The following ACOX1 variants were observed in gnomAD, a reference collection of about 807,000 sequenced individuals.
ACOX1 encodes the protein peroxisomal acyl-coenzyme A oxidase 1.
In ACOX1, 41 loss-of-function variants were observed where a neutral mutation model predicts 75.5. The observed-to-expected ratio is 0.54, with a 90% CI of 0.42 to 0.70. The LOEUF (loss-of-function observed/expected upper bound fraction) is 0.70. Ranked by LOEUF, ACOX1 falls within the 30% of genes least tolerant of loss-of-function variation. The pLI is 0.00. For missense variants in ACOX1, 630 were observed against 837.5 expected (o/e 0.75, Z 3.06); for synonymous variants, 303 against 298.8 (o/e 1.01, Z -0.15).
At chr17:75,967,646 G>GTATATATATACATACATATATATACA (rs2065946210) in intron 2 of ACOX1, among the ~76,000 whole-genome samples, 1 of 79,262 alleles carries the variant, frequency 1.3e-5, no homozygotes, top group Non-Finnish European at 2.2e-5. Context: ...ATATATATAC[G>GTATATATATACATACATATATATACA]TATATATATA....
intron 2 of ACOX1, among the ~76,000 whole-genome samples, chr17:75,968,435 C>G (rs1208964249): frequency 9.2e-3 from 189 of 20,542 alleles, no homozygotes; most frequent in African/African-American, 0.012. Context: ...GACTCCGTCT[C>G]AAAAAAAAAA....
At position 75,953,582 on chromosome 17, in the gene ACOX1, G is replaced by A. The variant is rs1398200214; in HGVS notation, c.813C>T (p.Asn271=). 1 of 1,614,184 alleles carries A rather than the reference G, an allele frequency of 6.2e-7. No individual in the cohort carries two copies. The highest frequency in any genetic ancestry group is 1.3e-5 in the African/African-American group (1 of 75,060). Residue 271 remains asparagine (N), a synonymous_variant, in exon 7 of 14, where the codon AAC becomes AAT. Transcript: ENST00000293217. ...PDGTYVKPLS[N]KLTYGTMVFV... is the part of the protein sequence containing the mutation. ...ACACCATGGTCCCGTAAGTCAGCTTGTTACTCAGCGGTTTCACGTATGTGC... is the reference window on the plus strand; with the variant it reads ...ACACCATGGTCCCGTAAGTCAGCTTATTACTCAGCGGTTTCACGTATGTGC...
chr17:75,966,594 G>C (rs1448791993), intron 2 of ACOX1, among the ~76,000 whole-genome samples: 1 of 152,172 alleles, frequency 6.6e-6, no homozygotes, highest in African/African-American at 2.4e-5. Flanking sequence ...ACGAGGTCAG[G>C]AGTTTGAGAC....
At chr17:75,949,675 C>T (rs1439308234) in intron 10 of ACOX1, 43 bp downstream of exon 10, 1 of 1,613,906 alleles carries the variant, frequency 6.2e-7, no homozygotes, top group Non-Finnish European at 8.5e-7. Context: ...GTCAGGGCCC[C>T]AGCCCCACTG....
chr17:75,968,880 C>A (rs938496118), intron 2 of ACOX1, among the ~76,000 whole-genome samples: 6 of 151,286 alleles, frequency 4.0e-5, no homozygotes, highest in Non-Finnish European at 7.4e-5. Context: ...CGAGATCACG[C>A]CACTGCACTC....
In ACOX1 at chr17:75,978,155, C is replaced by T. The variant is rs1393462574; in HGVS notation, c.269+379G>A. On this transcript the variant is annotated intron_variant, in intron 2 of 13. Transcript: ENST00000293217. This position sits in a 1 kb window ranked among gnomAD's most constrained non-coding sequence, Gnocchi z 4.2. ...TCTTGCCCAGGCTGGAGTGCAGTGG[C>T]GCGATCTCGGCTCACTGCAAGCTCC... is the stretch of plus-strand genomic sequence containing the variant. Among the ~76,000 whole-genome samples the T allele has an allele frequency of 6.6e-6, 1 of 152,020 alleles. No individual in the cohort carries two copies. The highest frequency in any genetic ancestry group is 1.5e-5 in the Non-Finnish European group (1 of 67,984).
Position 75,949,447 on chromosome 17 carries a change from C to T in ACOX1, c.1584+48G>A, listed in dbSNP as rs369409625. 28 of 1,609,798 alleles carry T rather than the reference C, an allele frequency of 1.7e-5. No homozygotes were observed. In the Admixed American group the frequency reaches 2.2e-4, roughly 12 times the overall value. ...ACTAGGGTTTCTGTACCAGAAAATG[C>T]GGGATGCTGAGGGCAGGGAAGGGGA... On this transcript the variant is annotated intron_variant, in intron 11 of 13. Coordinates refer to ENST00000293217, the MANE Select transcript of ACOX1 (RefSeq NM_004035.7).
chr17:75,976,165 T>G (rs2066048672), intron 2 of ACOX1, among the ~76,000 whole-genome samples: 1 of 152,174 alleles, frequency 6.6e-6, no homozygotes, highest in Non-Finnish European at 1.5e-5. Context: ...AAAACTGATC[T>G]CCTTGTCATA....
intron 2 of ACOX1, among the ~76,000 whole-genome samples, chr17:75,965,367 GA>G (rs2065922498): frequency 7.1e-6 from 1 of 141,664 alleles, no homozygotes; most frequent in Non-Finnish European, 1.5e-5. Flanking sequence ...CCAGAAAAAA[GA>G]TAAATACCTA....
Position 75,958,307 on chromosome 17 carries a change from T to A in ACOX1, c.431-741A>T, listed in dbSNP as rs1351782378. On this transcript the variant is annotated intron_variant, in intron 3 of 13. Transcript: ENST00000293217. ...GGTGGAGGTTGCAGTGAGCCAAGAT[T>A]GTGCCACCGCACTCCAGCCTGGGTG... is the stretch of plus-strand genomic sequence containing the variant. Among the ~76,000 whole-genome samples, 3 of 140,734 alleles carry A rather than the reference T, an allele frequency of 2.1e-5. No homozygotes were observed. The East Asian group carries it at 6.4e-4, about 30-fold the overall frequency. The allele number at this position is 140,734 out of a possible 152,430, so 92.3% of individuals were successfully genotyped here.
At position 75,979,011 on chromosome 17, in the gene ACOX1, G is replaced by A. The variant is rs2066089141; in HGVS notation, c.63C>T (p.His21=). The change falls in exon 1 of 14, where the codon CAC becomes CAT. Residue 21 remains histidine (H), a synonymous_variant. Transcript: ENST00000293217. Reference sequence around the variant, plus strand: ...TTTTCTCGGGGCTGCCGTCCAGGATGTGTGTAAGCAGCTCCGGGTTGAAGC... The same window carrying A: ...TTTTCTCGGGGCTGCCGTCCAGGATATGTGTAAGCAGCTCCGGGTTGAAGC... ...SASFNPELLT[H]ILDGSPEKTR... is the part of the protein sequence containing the mutation. 2.5e-6 allele frequency: 4 copies of A among 1,612,118 alleles called. No individual in the cohort carries two copies. Among genetic ancestry groups the A allele is most frequent in the African/African-American group, 1.3e-5 (1 of 74,944 alleles).
At chr17:75,952,150 A>G (rs16968345) in intron 7 of ACOX1, among the ~76,000 whole-genome samples, 9,638 of 152,272 alleles carry the variant, frequency 0.063, 927 homozygotes, top group African/African-American at 0.21. Flanking sequence ...AGGCAATGCC[A>G]AAAAGCTCTA....
chr17:75,955,877 A>G lies in ACOX1; in HGVS notation c.609T>C (p.His203=), dbSNP rs373206585. ...TTTCACGAATAGGTACGATAAAGGC[A>G]TGTAATCCATAGCATTTCCCCTTAG... ...LITKGKCYGL[H]AFIVPIREIG... The change falls in exon 5 of 14, where the codon CAT becomes CAC. Residue 203 remains histidine (H), a synonymous_variant. Transcript: ENST00000293217. 9.3e-6 allele frequency: 15 copies of G among 1,613,936 alleles called. No individual in the cohort carries two copies. The highest frequency in any genetic ancestry group is 1.3e-5 in the Non-Finnish European group (15 of 1,179,982).
chr17:75,950,951 G>C lies in ACOX1; in HGVS notation c.1121C>G (p.Thr374Ser), dbSNP rs143994351. 30 of 1,613,930 alleles carry C rather than the reference G, an allele frequency of 1.9e-5. No homozygotes were observed. The highest frequency in any genetic ancestry group is 3.3e-4 in the Middle Eastern group (2 of 6,072). Residue 374 changes from threonine (T) to serine (S), a missense_variant, in exon 9 of 14, where the codon ACC becomes AGC. Physicochemically the swap from Thr to Ser is moderately conservative, Grantham distance 58 (BLOSUM62 1). This residue lies in a region of ACOX1 where 390 missense variants were observed against 574.9 expected (regional missense o/e 0.68). Transcript: ENST00000293217. This position sits in a 1 kb window ranked among gnomAD's most constrained non-coding sequence, Gnocchi z 4.3. Reference protein sequence around the residue: ...LSELPELHALTAGLKAFTSWT... With the variant: ...LSELPELHALSAGLKAFTSWT... The stretch of plus-strand genomic sequence containing the variant: ...GGAGGTGAAAGCCTTCAGTCCAGCG[G>C]TGAGGGCATGAAGCTGAGAGGACAA...
intron 2 of ACOX1, chr17:75,973,395 G>A: frequency 3.5e-6 from 2 of 571,430 alleles, no homozygotes; most frequent in Non-Finnish European, 6.3e-6. Context: ...TTTTCAAGCT[G>A]TTCAATAATA....
intron 2 of ACOX1, among the ~76,000 whole-genome samples, chr17:75,975,994 A>C (rs2066046879): frequency 6.6e-6 from 1 of 152,204 alleles, no homozygotes; most frequent in Non-Finnish European, 1.5e-5. Context: ...TGTATTTCAC[A>C]ATTAATAGCA....
At chr17:75,952,921 T>C (rs1437786297) in intron 7 of ACOX1, among the ~76,000 whole-genome samples, 1 of 151,892 alleles carries the variant, frequency 6.6e-6, no homozygotes, top group African/African-American at 2.4e-5. Context: ...GTAATCTTCT[T>C]GCCTTAGCCT....
rs2066082330 is a variant in ACOX1, at chr17:75,978,688, T to C, written c.115A>G (p.Met39Val). The C allele has an allele frequency of 6.2e-7, 1 of 1,613,984 alleles. No homozygotes were observed. The part of the protein sequence containing the change: ...KTRRRREIEN[M>V]ILNDPDFQHE... ...TGGAAGTCTGGGTCGTTCAGGATCA[T>C]GTTCTCTGAAAGGGGGTTAAAGGGC... The change falls in exon 2 of 14, where the codon ATG becomes GTG. Residue 39 changes from methionine (M) to valine (V), a missense_variant. By Grantham distance (21) the Met-to-Val change is conservative. Around this residue, in one of 2 missense-constraint regions of ACOX1, gnomAD observed 390 missense variants for 574.9 expected, o/e 0.68. Transcript: ENST00000293217. The surrounding 1 kb of genome is among the most constrained non-coding windows in gnomAD (Gnocchi z 4.2).
intron 2 of ACOX1, among the ~76,000 whole-genome samples, chr17:75,963,436 T>C (rs896614437): frequency 1.1e-4 from 16 of 151,974 alleles, no homozygotes; most frequent in African/African-American, 3.6e-4. Flanking sequence ...GCGCGGTGGC[T>C]CACACCTGTA....
Sources: gnomAD v4.1 joint callset for allele counts (sites outside exome capture counted in the v4.1 genomes callset) on GRCh38, gnomAD v4.1.1 for gene constraint, gnomAD v4.1.1 regional missense constraint, Gnocchi (gnomAD v3.1) non-coding constraint, MANE v1.5 for transcripts, NCBI Gene and HGNC (gene_info 2026-07-23, HGNC 2026-07-21) for gene names.